Variants in DAB1 observed in about 807,000 individuals in gnomAD.
DAB1 encodes disabled homolog 1.
Under a neutral mutation model 64.6 loss-of-function variants are expected in DAB1, and 15 were observed. That is an observed-to-expected ratio of 0.23 (90% CI 0.16 to 0.36). The LOEUF is 0.36. DAB1 is among the 10% of genes least tolerant of loss of function. The pLI is 1.00. For synonymous variants in DAB1, 235 were observed against 251.9 expected (o/e 0.93, Z 0.64); for missense variants, 596 against 706.7 (o/e 0.84, Z 1.78).
intron 6 of DAB1, among the ~76,000 whole-genome samples, chr1:57,719,366 A>T (rs1288794839): frequency 1.3e-5 from 2 of 152,220 alleles, no homozygotes; most frequent in Non-Finnish European, 2.9e-5. Context: ...AAGAGAAGCC[A>T]TAAGCCAGAG....
intron 3 of DAB1, among the ~76,000 whole-genome samples, chr1:58,388,887 C>T (rs530302302): frequency 2.1e-4 from 32 of 152,214 alleles, no homozygotes; most frequent in Non-Finnish European, 4.0e-4. Flanking sequence ...GATTCTGTAA[C>T]TGCTCTTTAC....
rs550424588 is a variant in DAB1, at chr1:58,378,230, C to T, written n.258-34827G>A. The stretch of plus-strand genomic sequence containing the variant: ...TTGTTCCGTTGCTGGTGAGGAACTG[C>T]GTTCCTTTGGAGGAGGAGAGGTGCT... On this transcript the variant is annotated intron_variant and non_coding_transcript_variant, in intron 3 of 20. Coordinates refer to the DAB1 transcript ENST00000485760. 2.2e-3 allele frequency among the ~76,000 whole-genome samples: 270 copies of T among 120,286 alleles called. 22 individuals are homozygous for T. The highest frequency in any genetic ancestry group is 0.01 in the South Asian group (35 of 3,404). 78.9% of individuals were successfully genotyped at this position (120,286 alleles called of 152,430 possible). A position where few individuals can be genotyped will look rare whatever the true frequency, so the allele number is the denominator to read the frequency against.
intron 1 of DAB1, among the ~76,000 whole-genome samples, chr1:57,850,772 A>C (rs1653486633): frequency 6.6e-6 from 1 of 151,990 alleles, no homozygotes; most frequent in Admixed American, 6.6e-5. Context: ...TTCCAACATC[A>C]TTTTTTTCCC....
At chr1:57,913,694 A>G (rs1213216977) in intron 5 of DAB1, among the ~76,000 whole-genome samples, 1 of 152,220 alleles carries the variant, frequency 6.6e-6, no homozygotes, top group East Asian at 1.9e-4. Context: ...CAATCTACTC[A>G]TCTGACAAAG....
intron 5 of DAB1, among the ~76,000 whole-genome samples, chr1:57,961,964 C>T (rs1645534292): frequency 7.3e-6 from 1 of 137,856 alleles, no homozygotes; most frequent in Non-Finnish European, 1.6e-5. Context: ...AAGAGTGAAA[C>T]TCTGTCTCAA....
At chr1:58,325,845 C>G (rs540289671) in intron 4 of DAB1, among the ~76,000 whole-genome samples, 4 of 152,248 alleles carry the variant, frequency 2.6e-5, no homozygotes, top group African/African-American at 9.6e-5. Context: ...TCACCTTTTA[C>G]CTTTTAGGAT....
intron 2 of DAB1, among the ~76,000 whole-genome samples, chr1:57,273,564 T>TTCCTTCCTTCCTTCCA (rs1443841273): frequency 3.9e-5 from 2 of 50,986 alleles, no homozygotes; most frequent in African/African-American, 1.7e-4. Flanking sequence ...CCTTCCTTCC[T>TTCCTTCCTTCCTTCCA]TCCTTCCTTC....
intron 4 of DAB1, among the ~76,000 whole-genome samples, chr1:58,226,542 C>A (rs1170926565): frequency 6.6e-6 from 1 of 152,074 alleles, no homozygotes; most frequent in Non-Finnish European, 1.5e-5. Flanking sequence ...TGACATGAAT[C>A]TACAGAGTAG....
intron 6 of DAB1, among the ~76,000 whole-genome samples, chr1:57,809,006 T>C (rs1470330077): frequency 2.6e-5 from 4 of 152,184 alleles, no homozygotes; most frequent in Non-Finnish European, 5.9e-5. Flanking sequence ...GGGGGCTAAA[T>C]AGAATCACAG....
chr1:57,058,833 A>G (rs568774231), intron 9 of DAB1, among the ~76,000 whole-genome samples: 15 of 152,322 alleles, frequency 9.8e-5, no homozygotes, highest in African/African-American at 3.6e-4. Flanking sequence ...CCTCAGCGGG[A>G]ACTATATTTC....
At chr1:57,490,112 G>T (rs1314873761) in intron 7 of DAB1, among the ~76,000 whole-genome samples, 4 of 152,120 alleles carry the variant, frequency 2.6e-5, no homozygotes, top group Non-Finnish European at 4.4e-5. Flanking sequence ...CTAAATATGT[G>T]GGTGTTTTGA....
Position 56,997,712 on chromosome 1 carries a change from T to C in DAB1, c.*432A>G, listed in dbSNP as rs551293099. The C allele has an allele frequency of 6.6e-6, 1 of 152,340 alleles. No homozygotes were observed. The highest frequency in any genetic ancestry group is 6.5e-5 in the Admixed American group (1 of 15,304). The allele number at this position is 152,340 out of a possible 1,614,324, so 9.4% of individuals were successfully genotyped here. A position where few individuals can be genotyped will look rare whatever the true frequency, so the allele number is the denominator to read the frequency against. Reference sequence around the variant, plus strand: ...CTTAAAGAAGTCAGTTCCAACCCTGTTGTAATCCTCTGATGCCTGTCACTC... The same window carrying C: ...CTTAAAGAAGTCAGTTCCAACCCTGCTGTAATCCTCTGATGCCTGTCACTC... On this transcript the variant is annotated 3_prime_UTR_variant, in exon 15 of 15. Coordinates refer to ENST00000371236, the MANE Select transcript of DAB1 (RefSeq NM_001365792.1).
chr1:58,169,104 G>T (rs938200214), intron 4 of DAB1, among the ~76,000 whole-genome samples: 16 of 152,216 alleles, frequency 1.1e-4, no homozygotes, highest in African/African-American at 3.9e-4. Context: ...AGCAACTGCT[G>T]CAGGTTCTTG....
chr1:58,203,441 C>T (rs1396830828), intron 4 of DAB1, among the ~76,000 whole-genome samples: 1 of 152,224 alleles, frequency 6.6e-6, no homozygotes, highest in Non-Finnish European at 1.5e-5. Context: ...GATTTCTCTT[C>T]CCATATTCAC....
At chr1:57,592,649 C>A (rs983760800) in intron 7 of DAB1, among the ~76,000 whole-genome samples, 1 of 151,900 alleles carries the variant, frequency 6.6e-6, no homozygotes, top group African/African-American at 2.4e-5. Flanking sequence ...CTTGGGCTGC[C>A]AGAATAAAAT....
At chr1:57,623,988 A>T (rs574111714) in intron 7 of DAB1, among the ~76,000 whole-genome samples, 1 of 152,282 alleles carries the variant, frequency 6.6e-6, no homozygotes, top group African/African-American at 2.4e-5. Context: ...GGCTATGAAG[A>T]CTTTGGGCTT....
intron 1 of DAB1, among the ~76,000 whole-genome samples, chr1:57,323,678 G>T (rs1184368130): frequency 6.6e-6 from 1 of 152,120 alleles, no homozygotes; most frequent in East Asian, 1.9e-4. Context: ...GCCTACTGCA[G>T]ATAGTGTATG....
At chr1:57,848,191 A>C (rs1301427702) in intron 1 of DAB1, among the ~76,000 whole-genome samples, 1 of 152,244 alleles carries the variant, frequency 6.6e-6, no homozygotes, top group Non-Finnish European at 1.5e-5. Context: ...TATAGGATAC[A>C]AAGAAAACTT....
chr1:57,741,418 C>A (rs1647985092), intron 6 of DAB1, among the ~76,000 whole-genome samples: 1 of 152,138 alleles, frequency 6.6e-6, no homozygotes, highest in South Asian at 2.1e-4. Context: ...GGCTTAGAAA[C>A]CTTGGGAAAC....
Sources: allele counts gnomAD v4.1 joint callset (sites outside exome capture counted in the v4.1 genomes callset), GRCh38; gene constraint gnomAD v4.1.1; transcripts MANE v1.5; gene names NCBI Gene and HGNC (gene_info 2026-07-23, HGNC 2026-07-21).